Variants in STPG2 observed in about 807,000 individuals in gnomAD.
The protein encoded by STPG2 is sperm-tail PG-rich repeat-containing protein 2.
STPG2 carries 56 observed loss-of-function variants against 54.2 expected under a neutral mutation model. That is an observed-to-expected ratio of 1.03 (90% CI 0.83 to 1.29). The LOEUF (loss-of-function observed/expected upper bound fraction) is 1.29, where lower values mean the gene tolerates loss of function less well. Ranked by LOEUF, STPG2 falls within the 50% of genes most tolerant of loss-of-function variation. The pLI is 0.00. For synonymous variants in STPG2, 200 were observed against 181.8 expected (o/e 1.10, Z -0.81); for missense variants, 596 against 544.9 (o/e 1.09, Z -0.93).
chr4:97,895,199 A>T (rs983187), intron 8 of STPG2, among the ~76,000 whole-genome samples: 88,314 of 151,546 alleles, frequency 0.58, 26,306 homozygotes, highest in East Asian at 0.74. Flanking sequence ...ATTGTGCCAG[A>T]AAAATGTAAA....
chr4:98,035,082 T>C (rs979995786), intron 5 of STPG2, among the ~76,000 whole-genome samples: 4 of 151,656 alleles, frequency 2.6e-5, no homozygotes, highest in African/African-American at 9.7e-5. Context: ...GGCAACAAAA[T>C]CCAAAATAGA....
intron 8 of STPG2, among the ~76,000 whole-genome samples, chr4:97,915,997 T>C (rs1731861120): frequency 2.6e-5 from 4 of 152,266 alleles, no homozygotes; most frequent in Admixed American, 1.3e-4. Context: ...AAAGAGGATA[T>C]GGACGTGAGA....
intron 9 of STPG2, among the ~76,000 whole-genome samples, chr4:97,795,602 A>G (rs1727144800): frequency 6.6e-6 from 1 of 152,098 alleles, no homozygotes; most frequent in Non-Finnish European, 1.5e-5. Context: ...TCATACATTG[A>G]TGGACATTTG....
chr4:97,657,883 T>C (rs1286789470), intron 10 of STPG2, among the ~76,000 whole-genome samples: 1 of 152,236 alleles, frequency 6.6e-6, no homozygotes, highest in African/African-American at 2.4e-5. Context: ...AACACGTCTA[T>C]GAACATCTAT....
chr4:97,486,868 C>A (rs970439482), intron 4 of STPG2, among the ~76,000 whole-genome samples: 1 of 139,936 alleles, frequency 7.1e-6, no homozygotes, highest in Non-Finnish European at 1.5e-5. Context: ...CAAACACACA[C>A]ACACACACAC....
At chr4:97,897,916 C>T (rs571714371) in intron 8 of STPG2, among the ~76,000 whole-genome samples, 13 of 151,430 alleles carry the variant, frequency 8.6e-5, no homozygotes, top group Non-Finnish European at 1.9e-4. Context: ...ATAATTAGAT[C>T]CCTCTTGTCA....
At chr4:98,023,595 T>C (rs1192895302) in intron 5 of STPG2, among the ~76,000 whole-genome samples, 2 of 152,210 alleles carry the variant, frequency 1.3e-5, no homozygotes, top group Non-Finnish European at 2.9e-5. Context: ...CAGAGGTTAC[T>C]GCTGTCTTTT....
chr4:97,735,525 G>GATTGGGT (rs1310392454), intron 9 of STPG2, among the ~76,000 whole-genome samples: 2 of 149,868 alleles, frequency 1.3e-5, no homozygotes, highest in African/African-American at 4.9e-5. Context: ...TAACGAAAAG[G>GATTGGGT]GAGAATATGG....
At chr4:97,680,363 C>G (rs1158934754) in intron 10 of STPG2, among the ~76,000 whole-genome samples, 1 of 151,690 alleles carries the variant, frequency 6.6e-6, no homozygotes, top group Non-Finnish European at 1.5e-5. Context: ...AGTTGGATTC[C>G]TAGGTATTTT....
chr4:98,049,395 T>C (rs1214730394), intron 5 of STPG2, among the ~76,000 whole-genome samples: 1 of 152,174 alleles, frequency 6.6e-6, no homozygotes, highest in Non-Finnish European at 1.5e-5. Flanking sequence ...CATTTTATTA[T>C]ACCAGAAAGC....
intron 5 of STPG2, among the ~76,000 whole-genome samples, chr4:98,030,374 T>C (rs1227062607): frequency 6.6e-6 from 1 of 152,194 alleles, no homozygotes; most frequent in Non-Finnish European, 1.5e-5. Context: ...CAATAATCTA[T>C]GCAATTCCCC....
At chr4:98,068,269 T>C (rs1737894114) in intron 5 of STPG2, among the ~76,000 whole-genome samples, 1 of 152,188 alleles carries the variant, frequency 6.6e-6, no homozygotes, top group Non-Finnish European at 1.5e-5. Context: ...TCTTTTCCTT[T>C]TCTTTGACTA....
intron 4 of STPG2, among the ~76,000 whole-genome samples, chr4:97,478,545 G>T (rs1029819301): frequency 5.3e-5 from 8 of 152,026 alleles, no homozygotes; most frequent in Middle Eastern, 3.4e-3. Context: ...ATACCATTTT[G>T]TCCTGAATCT....
intron 4 of STPG2, among the ~76,000 whole-genome samples, chr4:97,544,598 C>A (rs1461260800): frequency 6.6e-6 from 1 of 151,912 alleles, no homozygotes; most frequent in Non-Finnish European, 1.5e-5. Context: ...AAAATGAAGA[C>A]AAGGTGATTT....
intron 5 of STPG2, among the ~76,000 whole-genome samples, chr4:98,022,378 A>G (rs1428793114): frequency 6.6e-6 from 1 of 152,038 alleles, no homozygotes; most frequent in East Asian, 1.9e-4. Context: ...AGTTTCTGCC[A>G]AGAGATCCAC....
At chr4:97,745,830 C>CT (rs1246297258) in intron 9 of STPG2, among the ~76,000 whole-genome samples, 5 of 151,128 alleles carry the variant, frequency 3.3e-5, no homozygotes, top group Non-Finnish European at 7.4e-5. Flanking sequence ...TAAAAAGCAG[C>CT]TAGAAGACTA....
intron 4 of STPG2, among the ~76,000 whole-genome samples, chr4:97,443,968 T>C (rs1729155360): frequency 6.6e-6 from 1 of 152,138 alleles, no homozygotes; most frequent in Non-Finnish European, 1.5e-5. Context: ...TCTCACTATG[T>C]AACTGGAATT....
At chr4:98,053,668 T>A (rs1737398024) in intron 5 of STPG2, among the ~76,000 whole-genome samples, 1 of 152,138 alleles carries the variant, frequency 6.6e-6, no homozygotes, top group Non-Finnish European at 1.5e-5. Context: ...ACCAATAATT[T>A]TATCTTTGTC....
chr4:97,965,473 C>A (rs192429336), intron 7 of STPG2, among the ~76,000 whole-genome samples: 15 of 152,306 alleles, frequency 9.8e-5, no homozygotes, highest in Non-Finnish European at 2.2e-4. Flanking sequence ...TGTCTGACAA[C>A]TCTGAAGAGA....
Sources: allele counts gnomAD v4.1 joint callset (sites outside exome capture counted in the v4.1 genomes callset), GRCh38; gene constraint gnomAD v4.1.1; transcripts MANE v1.5; gene names NCBI Gene and HGNC (gene_info 2026-07-23, HGNC 2026-07-21).